The following CNTNAP2 variants were observed in gnomAD, a reference collection of about 807,000 sequenced individuals.
CNTNAP2 encodes the protein contactin-associated protein-like 2.
Under a neutral mutation model 155.2 loss-of-function variants are expected in CNTNAP2, and 98 were observed. The ratio of observed to expected loss-of-function variants is 0.63; its 90% confidence interval spans 0.54 to 0.75. The LOEUF (loss-of-function observed/expected upper bound fraction) is 0.75, where lower values mean the gene tolerates loss of function less well. Ranked by LOEUF, CNTNAP2 falls within the 30% of genes least tolerant of loss-of-function variation. The probability of loss-of-function intolerance (pLI) is 0.00; values close to 1 mark genes in which losing one functional copy is unlikely to be tolerated. For missense variants in CNTNAP2, 1,727 were observed against 1,688.1 expected (o/e 1.02, Z -0.40); for synonymous variants, 651 against 631.2 (o/e 1.03, Z -0.47).
intron 3 of CNTNAP2, among the ~76,000 whole-genome samples, chr7:146,854,566 G>T (rs1794939708): frequency 7.5e-6 from 1 of 132,570 alleles, no homozygotes; most frequent in African/African-American, 3.1e-5. Context: ...GCTTAGCAAA[G>T]GGTCTTTAAG....
At chr7:147,309,955 C>A (rs1279594940) in intron 9 of CNTNAP2, among the ~76,000 whole-genome samples, 2 of 151,984 alleles carry the variant, frequency 1.3e-5, no homozygotes, top group African/African-American at 2.4e-5. Context: ...TCCCAAAGAA[C>A]TTTCAGGCTT....
chr7:147,101,271 C>T (rs1440910224), intron 4 of CNTNAP2, among the ~76,000 whole-genome samples: 3 of 152,106 alleles, frequency 2.0e-5, no homozygotes, highest in African/African-American at 7.2e-5. Context: ...AAGGTCTTTC[C>T]AGCTTCTGTG....
rs1396449913 is a variant in CNTNAP2, at chr7:147,785,886, G to A, written c.2099-117679G>A. On this transcript the variant is annotated intron_variant, in intron 13 of 23. Coordinates refer to ENST00000361727, the MANE Select transcript of CNTNAP2 (RefSeq NM_014141.6). ...GCAGGGCTGTAGTCCTAGCTACTTG[G>A]AAGGCTGAGGCAGGAGAATCACCTG... Among the ~76,000 whole-genome samples the A allele has an allele frequency of 4.6e-5, 7 of 152,024 alleles. No individual in the cohort carries two copies. The South Asian group carries it at 6.2e-4, about 14-fold the overall frequency.
chr7:147,581,051 A>G (rs1212553747), intron 12 of CNTNAP2, among the ~76,000 whole-genome samples: 1 of 152,238 alleles, frequency 6.6e-6, no homozygotes, highest in African/African-American at 2.4e-5. Context: ...ACAATTCCAC[A>G]GGAAGTAGGT....
chr7:147,084,747 TATA>T (rs764970001), intron 4 of CNTNAP2, among the ~76,000 whole-genome samples: 29 of 147,976 alleles, frequency 2.0e-4, no homozygotes, highest in Non-Finnish European at 3.9e-4. Context: ...ATATAATGTA[TATA>T]ATATGTGATA....
chr7:147,184,359 A>G (rs549513341), intron 8 of CNTNAP2, among the ~76,000 whole-genome samples: 2 of 152,340 alleles, frequency 1.3e-5, no homozygotes, highest in South Asian at 4.1e-4. Flanking sequence ...CTTGCTTTAA[A>G]TCAGAATTAT....
intron 13 of CNTNAP2, among the ~76,000 whole-genome samples, chr7:147,660,571 G>A (rs79297961): frequency 1.6e-4 from 24 of 152,268 alleles, no homozygotes; most frequent in East Asian, 7.7e-4. Flanking sequence ...CACCTCGTGC[G>A]TATGGTTTTG....
At chr7:146,280,734 T>G (rs1800238308) in intron 1 of CNTNAP2, among the ~76,000 whole-genome samples, 1 of 152,194 alleles carries the variant, frequency 6.6e-6, no homozygotes, top group South Asian at 2.1e-4. Context: ...ATAGACATTT[T>G]CAAAGCTCCT....
chr7:148,305,908 A>G, intron 21 of CNTNAP2, among the ~76,000 whole-genome samples: 1 of 152,136 alleles, frequency 6.6e-6, no homozygotes, highest in East Asian at 1.9e-4. Flanking sequence ...GGGCCTCCGG[A>G]TGGCATGAGA....
intron 14 of CNTNAP2, among the ~76,000 whole-genome samples, chr7:147,954,714 CATTT>C (rs1328356579): frequency 1.3e-5 from 2 of 152,126 alleles, no homozygotes; most frequent in Non-Finnish European, 2.9e-5. Flanking sequence ...TAGAAACAAT[CATTT>C]ATTTATTTGC....
At chr7:146,593,718 C>A (rs578076097) in intron 1 of CNTNAP2, among the ~76,000 whole-genome samples, 12 of 152,104 alleles carry the variant, frequency 7.9e-5, no homozygotes, top group African/African-American at 1.7e-4. Context: ...CAATGCTCAT[C>A]CCTCCTTATT....
At chr7:148,100,027 A>G (rs1425721565) in intron 15 of CNTNAP2, among the ~76,000 whole-genome samples, 5 of 151,770 alleles carry the variant, frequency 3.3e-5, no homozygotes, top group Non-Finnish European at 5.9e-5. Context: ...ATATGCCACC[A>G]TGCCTGGCTA....
chr7:147,666,129 C>A (rs1300590228), intron 13 of CNTNAP2, among the ~76,000 whole-genome samples: 3 of 152,258 alleles, frequency 2.0e-5, no homozygotes, highest in African/African-American at 7.2e-5. Flanking sequence ...AGAAATATTA[C>A]CTTTAGCAAA....
intron 13 of CNTNAP2, among the ~76,000 whole-genome samples, chr7:147,861,686 A>G (rs191598456): frequency 1.7e-3 from 254 of 152,242 alleles, no homozygotes; most frequent in African/African-American, 5.8e-3. Context: ...AGCCTAATCT[A>G]AAGGGCCCAA....
At position 148,189,301 on chromosome 7, in the gene CNTNAP2, C is replaced by A. The variant is rs562733919; in HGVS notation, c.3010+16823C>A. ...TTTTGAAGGTAAGAGTCAATCTAAA[C>A]AAAGAGGACAGGAGAGGACAGCAAC... On this transcript the variant is annotated intron_variant, in intron 18 of 23. Transcript: ENST00000361727. 1.8e-4 allele frequency among the ~76,000 whole-genome samples: 27 copies of A among 152,092 alleles called. No individual in the cohort carries two copies. The South Asian group carries it at 4.4e-3, about 25-fold the overall frequency.
chr7:146,576,967 C>A (rs565806829), intron 1 of CNTNAP2, among the ~76,000 whole-genome samples: 12 of 152,032 alleles, frequency 7.9e-5, no homozygotes, highest in Non-Finnish European at 1.2e-4. Flanking sequence ...TACAATCAGG[C>A]TTTCATTCAG....
At chr7:147,497,402 G>GC (rs1193014377) in intron 11 of CNTNAP2, among the ~76,000 whole-genome samples, 2 of 152,100 alleles carry the variant, frequency 1.3e-5, no homozygotes, top group African/African-American at 4.8e-5. Flanking sequence ...TTTCTCATTA[G>GC]CAGGCATCAA....
intron 4 of CNTNAP2, among the ~76,000 whole-genome samples, chr7:147,106,610 G>A (rs980417167): frequency 4.6e-5 from 7 of 152,136 alleles, no homozygotes; most frequent in Admixed American, 2.6e-4. Context: ...ATATAACATT[G>A]TACAAACTTA....
intron 13 of CNTNAP2, among the ~76,000 whole-genome samples, chr7:147,863,279 G>A (rs529029631): frequency 1.3e-5 from 2 of 152,008 alleles, no homozygotes; most frequent in Admixed American, 6.6e-5. Flanking sequence ...TTATGACTGC[G>A]TAGTATTCCA....
Sources: gnomAD v4.1 joint callset for allele counts (sites outside exome capture counted in the v4.1 genomes callset) on GRCh38, gnomAD v4.1.1 for gene constraint, MANE v1.5 for transcripts, NCBI Gene and HGNC (gene_info 2026-07-23, HGNC 2026-07-21) for gene names.